The following ADAMTSL1 variants were observed in gnomAD, a reference collection of about 807,000 sequenced individuals.
ADAMTSL1 encodes ADAMTS like 1.
ADAMTSL1 carries 126 observed loss-of-function variants against 201.8 expected under a neutral mutation model. That is an observed-to-expected ratio of 0.62 (90% CI 0.54 to 0.72). The LOEUF (loss-of-function observed/expected upper bound fraction) is 0.72, where lower values mean the gene tolerates loss of function less well. Ranked by LOEUF, ADAMTSL1 falls within the 30% of genes least tolerant of loss-of-function variation. The pLI is 0.00. For missense variants in ADAMTSL1, 2,679 were observed against 2,277.8 expected (o/e 1.18, Z -3.59); for synonymous variants, 1,121 against 903.4 (o/e 1.24, Z -4.32).
intron 1 of ADAMTSL1, among the ~76,000 whole-genome samples, chr9:18,069,112 C>G (rs963486332): frequency 5.9e-5 from 9 of 152,046 alleles, no homozygotes; most frequent in Admixed American, 5.9e-4. Context: ...TGACTCACTG[C>G]TGACATGTAA....
intron 1 of ADAMTSL1, among the ~76,000 whole-genome samples, chr9:18,150,367 A>G (rs997732443): frequency 6.6e-6 from 1 of 152,074 alleles, no homozygotes; most frequent in Non-Finnish European, 1.5e-5. Context: ...GGGATGACCT[A>G]CTAGGTCACA....
intron 1 of ADAMTSL1, among the ~76,000 whole-genome samples, chr9:18,160,600 G>A (rs1350261217): frequency 6.6e-6 from 1 of 151,808 alleles, no homozygotes; most frequent in Non-Finnish European, 1.5e-5. Flanking sequence ...AAGTAACCAT[G>A]TTTTCCAGTC....
intron 23 of ADAMTSL1, among the ~76,000 whole-genome samples, chr9:18,884,069 G>C (rs1279769196): frequency 6.6e-6 from 1 of 151,880 alleles, no homozygotes; most frequent in Non-Finnish European, 1.5e-5. Context: ...TCACATATTT[G>C]CAAACATTTA....
At chr9:18,111,602 T>G (rs940703400) in intron 1 of ADAMTSL1, among the ~76,000 whole-genome samples, 1 of 152,194 alleles carries the variant, frequency 6.6e-6, no homozygotes, top group African/African-American at 2.4e-5. Context: ...CAAGCATCAT[T>G]TAAAAATATG....
chr9:18,168,423 G>A (rs975929982), intron 2 of ADAMTSL1, among the ~76,000 whole-genome samples: 2 of 151,852 alleles, frequency 1.3e-5, no homozygotes, highest in Non-Finnish European at 2.9e-5. Flanking sequence ...ATGGTTTCCA[G>A]CTTCATCCAT....
chr9:18,828,997 A>G (rs1824803918), intron 22 of ADAMTSL1, among the ~76,000 whole-genome samples: 1 of 151,876 alleles, frequency 6.6e-6, no homozygotes. Context: ...AAAAGGTGGG[A>G]GCTGGCCTTG....
rs139332733 is a variant in ADAMTSL1, at chr9:18,853,918, T to TGTGTGTGTGTGTGTGTGTGTGCGCGC, written c.4249+23942_4249+23943insTGTGTGTGTGTGTGTGTGTGCGCGCG. Reference sequence around the variant, plus strand: ...GTGTGTGTGTGTGTGTGTGTGTGTGTGCGCGTGCATGCAAATAGTTGATTA... The same window carrying TGTGTGTGTGTGTGTGTGTGTGCGCGC: ...GTGTGTGTGTGTGTGTGTGTGTGTGTGTGTGTGTGTGTGTGTGTGTGCGCGCGCGCGTGCATGCAAATAGTTGATTA... On this transcript the variant is annotated intron_variant, in intron 23 of 28. Transcript: ENST00000380548. Among the ~76,000 whole-genome samples, 175 of 145,476 alleles carry TGTGTGTGTGTGTGTGTGTGTGCGCGC rather than the reference T, an allele frequency of 1.2e-3. 1 individual carries two copies. The highest frequency in any genetic ancestry group is 3.6e-3 in the African/African-American group (144 of 40,034).
chr9:18,067,763 A>G (rs1275494242), intron 1 of ADAMTSL1, among the ~76,000 whole-genome samples: 1 of 152,138 alleles, frequency 6.6e-6, no homozygotes, highest in African/African-American at 2.4e-5. Flanking sequence ...CTTGTAAAAT[A>G]AGATCTATGG....
chr9:18,734,568 A>G lies in ADAMTSL1; in HGVS notation c.2006+12903A>G, dbSNP rs569908935. 2.6e-5 allele frequency among the ~76,000 whole-genome samples: 4 copies of G among 152,314 alleles called. No individual in the cohort carries two copies. In the South Asian group the frequency reaches 8.3e-4, roughly 32 times the overall value. The stretch of plus-strand genomic sequence containing the variant: ...CATAGACCCTGGGCCGCGCACTAAC[A>G]GCTTATTAGGAAACCAGTATACAAA... On this transcript the variant is annotated intron_variant, in intron 15 of 28. Transcript: ENST00000380548.
chr9:17,916,716 A>G (rs1166014882), intron 1 of ADAMTSL1, among the ~76,000 whole-genome samples: 1 of 152,204 alleles, frequency 6.6e-6, no homozygotes, highest in African/African-American at 2.4e-5. Flanking sequence ...ATAGCCTTAT[A>G]AAAAGTCCTG....
chr9:17,927,911 T>C (rs1826618263), intron 1 of ADAMTSL1, among the ~76,000 whole-genome samples: 1 of 152,180 alleles, frequency 6.6e-6, no homozygotes, highest in Non-Finnish European at 1.5e-5. Context: ...CTTTCACTTT[T>C]TGGCTGTTGT....
intron 5 of ADAMTSL1, among the ~76,000 whole-genome samples, chr9:18,624,505 C>A (rs555696447): frequency 1.3e-5 from 2 of 152,292 alleles, no homozygotes; most frequent in Non-Finnish European, 2.9e-5. Context: ...ATCTAGGAAT[C>A]TAGGAATTAC....
intron 1 of ADAMTSL1, among the ~76,000 whole-genome samples, chr9:18,069,763 G>T (rs2131728915): frequency 6.6e-6 from 1 of 152,322 alleles, no homozygotes; most frequent in Non-Finnish European, 1.5e-5. Flanking sequence ...TGAAGCCATA[G>T]TGTTGAAACT....
At chr9:18,113,017 T>C (rs1801201559) in intron 1 of ADAMTSL1, among the ~76,000 whole-genome samples, 1 of 152,134 alleles carries the variant, frequency 6.6e-6, no homozygotes, top group African/African-American at 2.4e-5. Flanking sequence ...GGGCTTTTTC[T>C]CCAACTGGCT....
chr9:18,836,054 T>C (rs534166960), intron 23 of ADAMTSL1, among the ~76,000 whole-genome samples: 63 of 152,294 alleles, frequency 4.1e-4, no homozygotes, highest in African/African-American at 1.4e-3. Context: ...ATGATCGTTG[T>C]GTTTTAAGTT....
intron 2 of ADAMTSL1, among the ~76,000 whole-genome samples, chr9:18,192,248 G>A (rs569663273): frequency 2.6e-5 from 4 of 152,128 alleles, no homozygotes; most frequent in Non-Finnish European, 5.9e-5. Flanking sequence ...TATTTCCTAA[G>A]ACTTTGTTTG....
intron 1 of ADAMTSL1, among the ~76,000 whole-genome samples, chr9:18,120,433 G>C (rs1461645079): frequency 1.3e-5 from 2 of 152,188 alleles, no homozygotes; most frequent in Non-Finnish European, 2.9e-5. Flanking sequence ...GGAGGTGTCA[G>C]GACTAGAGGT....
intron 1 of ADAMTSL1, among the ~76,000 whole-genome samples, chr9:18,156,335 G>T (rs1359776599): frequency 1.3e-5 from 2 of 151,942 alleles, no homozygotes; most frequent in African/African-American, 4.8e-5. Flanking sequence ...GAAGAAAGAA[G>T]TTCCTTTGCC....
intron 7 of ADAMTSL1, among the ~76,000 whole-genome samples, chr9:18,648,126 C>G (rs1225993350): frequency 7.0e-6 from 1 of 143,784 alleles, no homozygotes; most frequent in Admixed American, 7.2e-5. Context: ...GAATTGATCC[C>G]TTTACCATTA....
Sources: allele counts gnomAD v4.1 joint callset (sites outside exome capture counted in the v4.1 genomes callset), GRCh38; gene constraint gnomAD v4.1.1; transcripts MANE v1.5; gene names NCBI Gene and HGNC (gene_info 2026-07-23, HGNC 2026-07-21).